Variants in HOXC6 observed in about 807,000 individuals in gnomAD.
HOXC6 encodes homeobox C6.
Under a neutral mutation model 24.0 loss-of-function variants are expected in HOXC6, and 10 were observed. The observed-to-expected ratio is 0.42, with a 90% CI of 0.26 to 0.71. HOXC6 has a LOEUF of 0.71. Among genes scored for constraint, HOXC6 ranks in the 30% least tolerant of loss-of-function variants. HOXC6 has a pLI of 0.28. For synonymous variants in HOXC6, 123 were observed against 128.1 expected (o/e 0.96, Z 0.27); for missense variants, 258 against 303.4 (o/e 0.85, Z 1.11).
upstream of HOXC6, among the ~76,000 whole-genome samples, chr12:54,024,122 C>G (rs1048217541): frequency 6.6e-6 from 1 of 152,202 alleles, no homozygotes; most frequent in Non-Finnish European, 1.5e-5. Flanking sequence ...ATGAGGGGAG[C>G]TGAGCAATTA....
At chr12:54,026,953 C>T (rs1009746835), upstream of HOXC6, among the ~76,000 whole-genome samples, 41 of 107,430 alleles carry the variant, frequency 3.8e-4, no homozygotes, top group Non-Finnish European at 6.9e-4. Flanking sequence ...CCCCAACCCA[C>T]CCAAAAATGG....
chr12:54,028,050 A>G (rs1592230608), upstream of HOXC6, among the ~76,000 whole-genome samples: 1 of 152,062 alleles, frequency 6.6e-6, no homozygotes, highest in Non-Finnish European at 1.5e-5. Context: ...TCAGGATGTA[A>G]TTTTAGAAGG....
chr12:54,025,389 A>T (rs1035070851), upstream of HOXC6, among the ~76,000 whole-genome samples: 1 of 152,112 alleles, frequency 6.6e-6, no homozygotes, highest in Admixed American at 6.5e-5. Flanking sequence ...AGAAAATATA[A>T]TCCAATGTAG....
At chr12:54,022,289 C>T (rs944835783) in intron 1 of HOXC6, 3 of 152,174 alleles carry the variant, frequency 2.0e-5, no homozygotes, top group African/African-American at 7.2e-5. Context: ...ATTCTTCTCC[C>T]ACACTCCCTC....
intron 1 of HOXC6, among the ~76,000 whole-genome samples, chr12:54,023,133 C>G (rs1225843814): frequency 1.3e-5 from 2 of 152,220 alleles, no homozygotes; most frequent in African/African-American, 4.8e-5. Context: ...TCCCCAAGCC[C>G]CCTCCTCAGC....
intron 1 of HOXC6, 115 bp downstream of exon 1, chr12:54,029,036 TC>T: frequency 9.8e-7 from 1 of 1,023,008 alleles, no homozygotes; most frequent in South Asian, 1.7e-5. Flanking sequence ...ACAATCACGC[TC>T]GTCTCCTCAC....
At chr12:54,022,703 A>C (rs1940505478) in intron 1 of HOXC6, 1 of 152,096 alleles carries the variant, frequency 6.6e-6, no homozygotes, top group South Asian at 2.1e-4. Context: ...AAAGGAAAAA[A>C]CATGAAAGGA....
chr12:54,026,155 C>G (rs1390761627), upstream of HOXC6, among the ~76,000 whole-genome samples: 1 of 152,128 alleles, frequency 6.6e-6, no homozygotes, highest in Non-Finnish European at 1.5e-5. Context: ...CTCTTCCGGC[C>G]TCTTCTACTT....
Position 54,029,509 on chromosome 12 carries a change from G to A in HOXC6, c.401-146G>A, listed in dbSNP as rs142908535. 226 of 776,488 alleles carry A rather than the reference G, an allele frequency of 2.9e-4. 1 individual carries two copies. The East Asian group carries it at 5.5e-3, about 19-fold the overall frequency. 48.1% of individuals were successfully genotyped at this position (776,488 alleles called of 1,614,324 possible). A position where few individuals can be genotyped will look rare whatever the true frequency, so the allele number is the denominator to read the frequency against. On this transcript the variant is annotated intron_variant, in intron 1 of 1. Transcript: ENST00000243108. ...CTCGCTGTACCCCCAGTGGGGGTGG[G>A]GCAAGGCAAAAGGGAGAAGGCTAGA...
At chr12:54,019,561 C>T (rs1940335317) in intron 1 of HOXC6, among the ~76,000 whole-genome samples, 2 of 152,140 alleles carry the variant, frequency 1.3e-5, no homozygotes, top group Admixed American at 6.5e-5. Flanking sequence ...TGTGGATGGC[C>T]GCTGATGGGG....
At chr12:54,021,418 A>G (rs565925692) in intron 1 of HOXC6, 4 of 152,406 alleles carry the variant, frequency 2.6e-5, no homozygotes, top group South Asian at 2.1e-4. Flanking sequence ...AGCACTGAGT[A>G]TGGGCTACCA....
At position 54,030,116 on chromosome 12, in the gene HOXC6, C is replaced by T. The variant is rs906227310; in HGVS notation, c.*154C>T. 2.9e-6 allele frequency: 2 copies of T among 698,646 alleles called. No individual in the cohort carries two copies. Among genetic ancestry groups the T allele is most frequent in the Non-Finnish European group, 4.6e-6 (2 of 430,220 alleles). The allele number at this position is 698,646 out of a possible 1,614,324, so 43.3% of individuals were successfully genotyped here. A position where few individuals can be genotyped will look rare whatever the true frequency, so the allele number is the denominator to read the frequency against. On this transcript the variant is annotated 3_prime_UTR_variant, in exon 2 of 2. Transcript: ENST00000243108. ...AGTCAAACGTGGACCTGAAAGTCAG[C>T]TCTGGACCCCCTCCCTCACCGCACA... is the stretch of plus-strand genomic sequence containing the variant.
rs1393870765 is a variant in HOXC6, at chr12:54,030,088, G to A, written c.*126G>A. 2 of 994,140 alleles carry A rather than the reference G, an allele frequency of 2.0e-6. No individual in the cohort carries two copies. The highest frequency in any genetic ancestry group is 1.6e-5 in the African/African-American group (1 of 61,256). 61.6% of individuals were successfully genotyped at this position (994,140 alleles called of 1,614,324 possible). A position where few individuals can be genotyped will look rare whatever the true frequency, so the allele number is the denominator to read the frequency against. On this transcript the variant is annotated 3_prime_UTR_variant, in exon 2 of 2. Transcript: ENST00000243108. ...GTTTTGATTCCCTAAAACAAAATTAGGGAGTCAAACGTGGACCTGAAAGTC... is the reference window on the plus strand; with the variant it reads ...GTTTTGATTCCCTAAAACAAAATTAAGGAGTCAAACGTGGACCTGAAAGTC...
upstream of HOXC6, among the ~76,000 whole-genome samples, chr12:54,025,515 A>C: frequency 9.6e-6 from 1 of 103,878 alleles, no homozygotes; most frequent in South Asian, 4.4e-4. Context: ...TTCCTCAGGA[A>C]TGAAAGGTAA....
chr12:54,017,627 A>G lies in HOXC6; in HGVS notation c.-193+213A>G, dbSNP rs926280509. ...GTAGTGGGGCGATTGTGTTGTCCTG[A>G]TGTCACTGTGTGCCAAGTTGGGGGT... On this transcript the variant is annotated intron_variant, in intron 1 of 2. Coordinates refer to the HOXC6 transcript ENST00000394331. Among the ~76,000 whole-genome samples, 3 of 151,484 alleles carry G rather than the reference A, an allele frequency of 2.0e-5. No individual in the cohort carries two copies. In the East Asian group the frequency reaches 5.8e-4, roughly 30 times the overall value.
upstream of HOXC6, among the ~76,000 whole-genome samples, chr12:54,027,974 G>A (rs1473098017): frequency 6.6e-6 from 1 of 152,148 alleles, no homozygotes; most frequent in Non-Finnish European, 1.5e-5. Flanking sequence ...TGTCAAAACA[G>A]GATTTCCTGC....
chr12:54,028,269 T>A (rs113274515), upstream of HOXC6: 2,160 of 72,218 alleles, frequency 0.03, 52 homozygotes, highest in South Asian at 0.043. Context: ...ATATATATAT[T>A]TTTTAAAAGA....
intron 1 of HOXC6, 28 bp downstream of exon 1, chr12:54,028,949 T>C: frequency 6.3e-7 from 1 of 1,575,282 alleles, no homozygotes. Context: ...GAGATATAAA[T>C]TAAATAAACT....
At chr12:54,027,678 A>G (rs2090209010), upstream of HOXC6, among the ~76,000 whole-genome samples, 1 of 151,984 alleles carries the variant, frequency 6.6e-6, no homozygotes, top group African/African-American at 2.4e-5. Context: ...AAAATGCTGG[A>G]AGAGTTTTCC....
Sources: allele counts gnomAD v4.1 joint callset (sites outside exome capture counted in the v4.1 genomes callset), GRCh38; gene constraint gnomAD v4.1.1; transcripts MANE v1.5; gene names NCBI Gene and HGNC (gene_info 2026-07-23, HGNC 2026-07-21).